EPG5: variants seen among roughly 807,000 people sequenced by gnomAD.
The protein encoded by EPG5 is ectopic P granules protein 5 homolog.
Under a neutral mutation model 302.7 loss-of-function variants are expected in EPG5, and 159 were observed. The ratio of observed to expected loss-of-function variants is 0.53; its 90% CI spans 0.46 to 0.60. EPG5 has a LOEUF of 0.60. Ranked by LOEUF, EPG5 falls within the 20% of genes least tolerant of loss-of-function variation. The pLI, the probability that EPG5 is intolerant of heterozygous loss-of-function variation, is 0.00. For synonymous variants in EPG5, 1,158 were observed against 1,136.8 expected (o/e 1.02, Z -0.37); for missense variants, 2,896 against 3,092.4 (o/e 0.94, Z 1.51).
At position 45,857,922 on chromosome 18, in the gene EPG5, G is replaced by A; in HGVS notation, c.7373C>T (p.Ala2458Val). Reference protein sequence around the residue: ...LLVQSRQNLVAEERLSSGILG... With the variant: ...LLVQSRQNLVVEERLSSGILG... ...GATCCCAGAGCTGAGTCTCTCCTCA[G>A]CCACGAGGTTCTGCCTGCTCTGAAC... Residue 2458 changes from alanine (A) to valine (V), a missense_variant, in exon 42 of 44, where the codon GCT (alanine) becomes GTT (valine). Around this residue, in one of 5 missense-constraint regions of EPG5, gnomAD observed 620 missense variants for 704.2 expected, o/e 0.88. Coordinates refer to ENST00000282041, the MANE Select transcript of EPG5 (RefSeq NM_020964.3). 1 of 1,612,842 alleles carries A rather than the reference G, an allele frequency of 6.2e-7. No homozygotes were observed. The highest frequency in any genetic ancestry group is 8.5e-7 in the Non-Finnish European group (1 of 1,180,022).
intron 31 of EPG5, among the ~76,000 whole-genome samples, chr18:45,881,273 A>C (rs1415816865): frequency 6.6e-6 from 1 of 152,252 alleles, no homozygotes; most frequent in Non-Finnish European, 1.5e-5. Flanking sequence ...ATTTCAGGGA[A>C]AAATCCACAA....
chr18:45,836,408 G>A, the EPG5 span, among the ~76,000 whole-genome samples: 1 of 140,868 alleles, frequency 7.1e-6, no homozygotes. Flanking sequence ...GCACCCTGGG[G>A]CACCGGCTGG....
chr18:45,909,432 G>C (rs545552907), intron 23 of EPG5, among the ~76,000 whole-genome samples: 1 of 152,342 alleles, frequency 6.6e-6, no homozygotes, highest in South Asian at 2.1e-4. Context: ...GAGGCTGACA[G>C]AGAGTCGTAA....
chr18:45,857,890 C>T lies in EPG5; in HGVS notation c.7405G>A (p.Ala2469Thr). ...EERLSSGILG[A>T]IGFGRKSPLS... ...GGCGACTTCCGGCCAAACCCAATTG[C>T]CCCCAGGATCCCAGAGCTGAGTCTC... The change falls in exon 42 of 44, where the codon GCA (alanine) becomes ACA (threonine). Residue 2469 changes from alanine (A) to threonine (T), a missense_variant. By Grantham distance (58) the Ala-to-Thr change is moderately conservative (BLOSUM62 0). This residue lies in a region of EPG5 where 620 missense variants were observed against 704.2 expected (regional missense o/e 0.88). Transcript: ENST00000282041. The T allele has an allele frequency of 1.2e-6, 2 of 1,612,270 alleles. No homozygotes were observed. Among genetic ancestry groups the T allele is most frequent in the South Asian group, 1.1e-5 (1 of 90,992 alleles).
chr18:45,866,207 C>T (rs1485858383), intron 38 of EPG5, among the ~76,000 whole-genome samples: 1 of 150,952 alleles, frequency 6.6e-6, no homozygotes, highest in East Asian at 1.9e-4. Flanking sequence ...GCAACCTCCT[C>T]CTCCTGGGTT....
chr18:45,841,915 G>A, the EPG5 span, among the ~76,000 whole-genome samples: 13 of 152,140 alleles, frequency 8.5e-5, no homozygotes, highest in African/African-American at 3.1e-4. Flanking sequence ...GGGCTGCCCT[G>A]GCCTTTGGGG....
At chr18:45,870,308 G>A (rs1357390934) in intron 36 of EPG5, among the ~76,000 whole-genome samples, 2 of 152,088 alleles carry the variant, frequency 1.3e-5, no homozygotes, top group East Asian at 3.8e-4. Flanking sequence ...GTACTCACAC[G>A]TGACAAAGTC....
chr18:45,895,515 A>G (rs1253499522), intron 27 of EPG5, among the ~76,000 whole-genome samples: 1 of 152,238 alleles, frequency 6.6e-6, no homozygotes, highest in Non-Finnish European at 1.5e-5. Flanking sequence ...CCCCAGATTA[A>G]GAACTCCAGC....
chr18:45,896,935 ATCATCTTT>A (rs1599518970), intron 27 of EPG5, among the ~76,000 whole-genome samples: 2 of 152,228 alleles, frequency 1.3e-5, no homozygotes, highest in African/African-American at 4.8e-5. Flanking sequence ...CTTATCATAA[ATCATCTTT>A]TCTCTGACCT....
At chr18:45,881,835 A>G (rs1021381290) in intron 31 of EPG5, among the ~76,000 whole-genome samples, 1 of 152,224 alleles carries the variant, frequency 6.6e-6, no homozygotes, top group Admixed American at 6.5e-5. Flanking sequence ...AACAAGAGTA[A>G]AAGACTTAGA....
Position 45,949,552 on chromosome 18 carries a change from G to T in EPG5, c.1429C>A (p.Leu477Ile), listed in dbSNP as rs774358780. The T allele has an allele frequency of 1.2e-6, 2 of 1,613,172 alleles. No homozygotes were observed. Among genetic ancestry groups the T allele is most frequent in the Non-Finnish European group, 1.7e-6 (2 of 1,179,436 alleles). ...CGAAGAATATGGTTTAGAAGGAAGA[G>T]GTGATCTCCAGGACAGCCAACTCTT... ...LQRVGCPGDHLFLLNHILRCP... is the reference protein window; with the variant it reads ...LQRVGCPGDHIFLLNHILRCP... The change falls in exon 5 of 44, where the codon CTC becomes ATC. Residue 477 changes from leucine (L) to isoleucine (I), a missense_variant. Leu to Ile is a conservative substitution (Grantham distance 5). Around this residue, in one of 5 missense-constraint regions of EPG5, gnomAD observed 1,390 missense variants for 1,430.0 expected, o/e 0.97. Coordinates refer to ENST00000282041, the MANE Select transcript of EPG5 (RefSeq NM_020964.3).
the EPG5 span, chr18:45,837,625 G>A: frequency 6.6e-7 from 1 of 1,507,976 alleles, no homozygotes; most frequent in Non-Finnish European, 8.8e-7. Flanking sequence ...ACTACGACGG[G>A]CCGCTGACGG....
intron 18 of EPG5, 106 bp from the exon 19 acceptor site, chr18:45,916,312 C>G: frequency 6.6e-7 from 1 of 1,516,474 alleles, no homozygotes; most frequent in Non-Finnish European, 8.9e-7. Context: ...AAATCTATTG[C>G]CTTTCTTGGC....
Position 45,912,358 on chromosome 18 carries a change from G to C in EPG5, c.3915C>G (p.His1305Gln). ...AHQALVTPSDHPLLPLIWQKF... is the reference protein window; with the variant it reads ...AHQALVTPSDQPLLPLIWQKF... ...TCTGCCAAATGAGTGGCAGGAGGGGGTGATCAGAAGGTGTGACCAGAGCCT... is the reference window on the plus strand; with the variant it reads ...TCTGCCAAATGAGTGGCAGGAGGGGCTGATCAGAAGGTGTGACCAGAGCCT... The change falls in exon 22 of 44, where the codon CAC becomes CAG. Residue 1305 changes from histidine to glutamine, a missense_variant. Physicochemically the swap from His to Gln is conservative, Grantham distance 24. This residue lies in a region of EPG5 where 790 missense variants were observed against 798.0 expected (regional missense o/e 0.99). Coordinates refer to ENST00000282041, the MANE Select transcript of EPG5 (RefSeq NM_020964.3). 6.2e-7 allele frequency: 1 copy of C among 1,611,672 alleles called. No individual in the cohort carries two copies. Among genetic ancestry groups the C allele is most frequent in the South Asian group, 1.1e-5 (1 of 90,604 alleles).
chr18:45,884,707 A>G lies in EPG5; in HGVS notation c.5214T>C (p.Ala1738=). 6.2e-7 allele frequency: 1 copy of G among 1,611,914 alleles called. No homozygotes were observed. Among genetic ancestry groups the G allele is most frequent in the Non-Finnish European group, 8.5e-7 (1 of 1,179,260 alleles). The change falls in exon 30 of 44, where the codon GCT becomes GCC. Residue 1738 remains alanine, a synonymous_variant. Transcript: ENST00000282041. ...SLLSPFFTPN[A]APAEFIQLYE... is the part of the protein sequence containing the mutation. ...ACAGCTGTATGAACTCTGCAGGTGC[A>G]GCATTGGGAGTGAAGAAAGGAGACA...
chr18:45,847,527 T>C (rs1420158439), downstream of EPG5: 1 of 152,284 alleles, frequency 6.6e-6, no homozygotes, highest in Non-Finnish European at 1.5e-5. Flanking sequence ...GTTTCTCATA[T>C]AAAATTTTTC....
At position 45,880,137 on chromosome 18, in the gene EPG5, C is replaced by T. The variant is rs764322574; in HGVS notation, c.5605G>A (p.Ala1869Thr). The change falls in exon 32 of 44, where the codon GCA becomes ACA. Residue 1869 changes from alanine to threonine, a missense_variant. By Grantham distance (58) the Ala-to-Thr change is moderately conservative. Coordinates refer to ENST00000282041, the MANE Select transcript of EPG5 (RefSeq NM_020964.3). Reference protein sequence around the residue: ...GCCAPSCQQGAASTEGAVLPS... With the variant: ...GCCAPSCQQGTASTEGAVLPS... ...AGCACGGCGCCCTCGGTGGACGCTG[C>T]CCCCTGCTGGCAGCTGGGGGCGCAG... 3 of 1,610,960 alleles carry T rather than the reference C, an allele frequency of 1.9e-6. No homozygotes were observed. Among genetic ancestry groups the T allele is most frequent in the South Asian group, 1.1e-5 (1 of 90,858 alleles).
At chr18:45,837,876 G>A in the EPG5 span, 1 of 1,529,502 alleles carries the variant, frequency 6.5e-7, no homozygotes, top group Non-Finnish European at 8.7e-7. Flanking sequence ...AGCCGCCACG[G>A]CGTCCGGCTG....
At position 45,948,537 on chromosome 18, in the gene EPG5, T is replaced by C. The variant is rs775414996; in HGVS notation, c.1537A>G (p.Met513Val). The change falls in exon 6 of 44, where the codon ATG becomes GTG. Residue 513 changes from methionine to valine, a missense_variant. Physicochemically the swap from Met to Val is conservative, Grantham distance 21. Around this residue, in one of 5 missense-constraint regions of EPG5, gnomAD observed 1,390 missense variants for 1,430.0 expected, o/e 0.97. Coordinates refer to ENST00000282041, the MANE Select transcript of EPG5 (RefSeq NM_020964.3). ...LHNPSGVFHF[M>V]QSLALLMSPV... Reference sequence around the variant, plus strand: ...GACATCAGCAGGGCAAGGGATTGCATAAAATGAAAGACCCCTGATGGGTTA... The same window carrying C: ...GACATCAGCAGGGCAAGGGATTGCACAAAATGAAAGACCCCTGATGGGTTA... 2 of 1,613,980 alleles carry C rather than the reference T, an allele frequency of 1.2e-6. No homozygotes were observed. The highest frequency in any genetic ancestry group is 2.2e-5 in the South Asian group (2 of 91,084).
Sources: allele counts gnomAD v4.1 joint callset (sites outside exome capture counted in the v4.1 genomes callset), GRCh38; gene constraint gnomAD v4.1.1; regional missense constraint gnomAD v4.1.1; transcripts MANE v1.5; gene names NCBI Gene and HGNC (gene_info 2026-07-23, HGNC 2026-07-21).